TRPM6: variants seen among roughly 807,000 people sequenced by gnomAD.
TRPM6 encodes channel kinase 2.
A neutral mutation model predicts 247.6 loss-of-function variants in TRPM6; 111 were observed. That is an observed-to-expected ratio of 0.45 (90% CI 0.38 to 0.52). TRPM6 has a LOEUF of 0.52. Ranked by LOEUF, TRPM6 falls within the 20% of genes least tolerant of loss-of-function variation. The pLI, the probability that TRPM6 is intolerant of heterozygous loss-of-function variation, is 0.00. For missense variants in TRPM6, 2,126 were observed against 2,421.5 expected, an observed-to-expected ratio of 0.88 and a Z score of 2.56; for synonymous variants, 892 against 853.8, an observed-to-expected ratio of 1.04 and a Z score of -0.78.
Position 74,732,544 on chromosome 9 carries a change from GT to G in TRPM6, c.5828+140del, listed in dbSNP as rs201848930. The G allele has an allele frequency of 8.8e-5, 50 of 569,776 alleles. No individual in the cohort carries two copies. The East Asian group carries it at 1.5e-3, about 17-fold the overall frequency. 35.3% of individuals were successfully genotyped at this position (569,776 alleles called of 1,614,324 possible). On this transcript the variant is annotated intron_variant, in intron 37 of 38. Coordinates refer to ENST00000360774, the MANE Select transcript of TRPM6 (RefSeq NM_017662.5). Reference sequence around the variant, plus strand: ...ACCTATGCTTTTTTATAATCTTATTGTTTTTGGTCTATATACATAAGCTACC... The same window carrying G: ...ACCTATGCTTTTTTATAATCTTATTGTTTTGGTCTATATACATAAGCTACC...
chr9:74,742,115 T>C (rs148135189), intron 33 of TRPM6, among the ~76,000 whole-genome samples: 1 of 152,224 alleles, frequency 6.6e-6, no homozygotes, highest in East Asian at 1.9e-4. Flanking sequence ...AAAATGACAT[T>C]TGCAGTCTGA....
intron 30 of TRPM6, among the ~76,000 whole-genome samples, chr9:74,748,837 A>G (rs897732621): frequency 2.0e-5 from 3 of 152,174 alleles, no homozygotes; most frequent in African/African-American, 4.8e-5. Flanking sequence ...GTGTAGCCTA[A>G]GTGTACACAT....
In TRPM6 at chr9:74,762,238, G is replaced by A. The variant is rs1479801584; in HGVS notation, c.4433C>T (p.Ser1478Phe). ...IKKKWQTCLP[S>F]TCDSDSSRSE... is the part of the protein sequence containing the mutation. ...CCGAGAGGAATCACTGTCACAAGTG[G>A]AGGGCAAGCAGGTTTGCCACTTTTT... Residue 1478 changes from serine to phenylalanine, a missense_variant, in exon 26 of 39, where the codon TCC (serine) becomes TTC (phenylalanine). Coordinates refer to ENST00000360774, the MANE Select transcript of TRPM6 (RefSeq NM_017662.5). The A allele has an allele frequency of 6.2e-7, 1 of 1,614,190 alleles. No homozygotes were observed. Among genetic ancestry groups the A allele is most frequent in the Admixed American group, 1.7e-5 (1 of 60,016 alleles).
chr9:74,868,304 G>A (rs1830919703), intron 1 of TRPM6, among the ~76,000 whole-genome samples: 1 of 151,518 alleles, frequency 6.6e-6, no homozygotes. Flanking sequence ...AGACCAGCCT[G>A]GCCAACATGA....
intron 1 of TRPM6, among the ~76,000 whole-genome samples, chr9:74,871,680 G>A (rs1284007458): frequency 6.6e-6 from 1 of 151,994 alleles, no homozygotes; most frequent in East Asian, 1.9e-4. Context: ...TCCATAGAGA[G>A]GTACCAATTT....
At chr9:74,838,247 A>T (rs565249480) in intron 5 of TRPM6, among the ~76,000 whole-genome samples, 3 of 152,308 alleles carry the variant, frequency 2.0e-5, no homozygotes, top group Admixed American at 2.0e-4. Flanking sequence ...GCCTTGCCCA[A>T]GCCTGTCTTT....
chr9:74,748,007 A>C, intron 30 of TRPM6, 93 bp from the exon 31 acceptor site: 1 of 1,139,224 alleles, frequency 8.8e-7, no homozygotes, highest in Admixed American at 1.7e-5. Flanking sequence ...CAGTAACAAC[A>C]CAAAGTATAT....
intron 38 of TRPM6, among the ~76,000 whole-genome samples, chr9:74,726,205 G>A (rs1442429911): frequency 6.6e-6 from 1 of 152,190 alleles, no homozygotes; most frequent in Non-Finnish European, 1.5e-5. Flanking sequence ...AGGACTAGAT[G>A]TGGTGGAATT....
chr9:74,844,511 A>T (rs975703083), intron 3 of TRPM6, among the ~76,000 whole-genome samples: 1 of 152,186 alleles, frequency 6.6e-6, no homozygotes, highest in East Asian at 1.9e-4. Context: ...ATGAACCAAC[A>T]TCTGCTAGGT....
At chr9:74,820,204 T>A in intron 9 of TRPM6, 100 bp downstream of exon 9, 1 of 1,369,986 alleles carries the variant, frequency 7.3e-7, no homozygotes, top group Non-Finnish European at 1.0e-6. Flanking sequence ...TTCCCCTTCC[T>A]GTGTCCACCA....
At chr9:74,868,614 T>C (rs1587599889) in intron 1 of TRPM6, among the ~76,000 whole-genome samples, 2 of 152,206 alleles carry the variant, frequency 1.3e-5, no homozygotes, top group Non-Finnish European at 2.9e-5. Context: ...GTTACAATCG[T>C]AGGCAACAGG....
At chr9:74,787,026 C>T (rs1375609185) in intron 20 of TRPM6, among the ~76,000 whole-genome samples, 3 of 151,442 alleles carry the variant, frequency 2.0e-5, no homozygotes. Context: ...TGATGAAACC[C>T]CGTCTCTACT....
intron 3 of TRPM6, among the ~76,000 whole-genome samples, chr9:74,853,519 ATTC>A (rs992565039): frequency 2.6e-5 from 4 of 152,236 alleles, no homozygotes; most frequent in Admixed American, 6.5e-5. Context: ...ACTAAGAAAA[ATTC>A]TTCTGCCTTG....
chr9:74,852,910 C>T (rs555121939), intron 3 of TRPM6, among the ~76,000 whole-genome samples: 7 of 152,308 alleles, frequency 4.6e-5, no homozygotes, highest in Admixed American at 4.6e-4. Flanking sequence ...GCCCAGCAGC[C>T]ACCCCGTCTG....
At chr9:74,801,243 A>ATTTTTTTTTTT (rs59490187) in intron 16 of TRPM6, among the ~76,000 whole-genome samples, 4 of 85,294 alleles carry the variant, frequency 4.7e-5, no homozygotes, top group African/African-American at 8.8e-5. Context: ...AAGCCTGGGA[A>ATTTTTTTTTTT]TTTTTTTTTT....
At chr9:74,804,359 C>T (rs2119014383) in intron 14 of TRPM6, 1 of 462,840 alleles carries the variant, frequency 2.2e-6, no homozygotes, top group East Asian at 4.2e-5. Context: ...CTCCAGTGGC[C>T]AGGCCCAATA....
intron 4 of TRPM6, among the ~76,000 whole-genome samples, chr9:74,841,177 A>G (rs1265349982): frequency 1.3e-5 from 2 of 152,236 alleles, no homozygotes; most frequent in African/African-American, 4.8e-5. Flanking sequence ...CAATGTAAGC[A>G]AAAGAAAAGA....
chr9:74,836,962 G>GT (rs1829745409), intron 5 of TRPM6, among the ~76,000 whole-genome samples: 1 of 152,158 alleles, frequency 6.6e-6, no homozygotes, highest in Non-Finnish European at 1.5e-5. Flanking sequence ...CGTCTTCCTT[G>GT]TATTCTCAAA....
intron 23 of TRPM6, among the ~76,000 whole-genome samples, chr9:74,780,824 G>T (rs1382282730): frequency 6.6e-6 from 1 of 152,100 alleles, no homozygotes; most frequent in African/African-American, 2.4e-5. Context: ...GTAGAGCAGA[G>T]AAAAAGTAAG....
Sources: allele counts gnomAD v4.1 joint callset (sites outside exome capture counted in the v4.1 genomes callset), GRCh38; gene constraint gnomAD v4.1.1; transcripts MANE v1.5; gene names NCBI Gene and HGNC (gene_info 2026-07-23, HGNC 2026-07-21).